The following IL1RL1 variants were observed in gnomAD, a reference collection of about 807,000 sequenced individuals.
IL1RL1 encodes interleukin-1 receptor-like 1.
IL1RL1 carries 32 observed loss-of-function variants against 50.9 expected under a neutral mutation model. The observed-to-expected ratio is 0.63, with a 90% confidence interval of 0.47 to 0.84. The LOEUF is 0.84. Ranked by LOEUF, IL1RL1 falls within the 40% of genes least tolerant of loss-of-function variation. The probability of loss-of-function intolerance (pLI) is 0.00; values close to 1 mark genes in which losing one functional copy is unlikely to be tolerated. For synonymous variants in IL1RL1, 275 were observed against 236.0 expected (o/e 1.17, Z -1.51); for missense variants, 773 against 662.9 (o/e 1.17, Z -1.82).
Position 102,348,038 on chromosome 2 carries a change from T to C in IL1RL1, c.1064T>C (p.Ile355Thr). Reference protein sequence around the residue: ...VLVIILKMFWIEATLLWRDIA... With the variant: ...VLVIILKMFWTEATLLWRDIA... ...GTTATCATCCTAAAAATGTTCTGGA[T>C]TGAGGCCACTCTGCTCTGGAGAGAC... The change falls in exon 9 of 11, where the codon ATT (isoleucine) becomes ACT (threonine). Residue 355 changes from isoleucine to threonine, a missense_variant. Transcript: ENST00000233954. The C allele has an allele frequency of 6.2e-7, 1 of 1,612,140 alleles. No homozygotes were observed. Among genetic ancestry groups the C allele is most frequent in the Non-Finnish European group, 8.5e-7 (1 of 1,178,182 alleles).
At chr2:102,329,855 A>C (rs564860884) in intron 1 of IL1RL1, among the ~76,000 whole-genome samples, 110 of 152,310 alleles carry the variant, frequency 7.2e-4, no homozygotes, top group Non-Finnish European at 1.4e-3. Flanking sequence ...GCTGGAGAGG[A>C]TGTGGAGAAA....
chr2:102,339,518 T>C (rs189040819), intron 3 of IL1RL1: 3 of 156,594 alleles, frequency 1.9e-5, no homozygotes, highest in Admixed American at 1.9e-4. Context: ...TGTTTTGATT[T>C]TGTGGCTGTA....
intron 8 of IL1RL1, 42 bp downstream of exon 8, chr2:102,343,457 T>C (rs1677659365): frequency 1.9e-6 from 3 of 1,614,056 alleles, no homozygotes; most frequent in South Asian, 1.1e-5. Flanking sequence ...GAACTTTCTC[T>C]AGCAAGTGTA....
At position 102,343,300 on chromosome 2, in the gene IL1RL1, G is replaced by T. The variant is rs1307444039; in HGVS notation, c.855G>T (p.Met285Ile). 1.2e-6 allele frequency: 2 copies of T among 1,614,096 alleles called. No homozygotes were observed. The highest frequency in any genetic ancestry group is 1.3e-5 in the African/African-American group (1 of 74,930). ...GCAATGGGCTGGCTTGTCTAGACAT[G>T]GTTTTAAGAATAGCTGACGTGAAGG... ...SFSNGLACLD[M>I]VLRIADVKEE... The change falls in exon 8 of 11, where the codon ATG (methionine) becomes ATT (isoleucine). Residue 285 changes from methionine (M) to isoleucine (I), a missense_variant. Transcript: ENST00000233954.
intron 10 of IL1RL1, among the ~76,000 whole-genome samples, chr2:102,349,461 G>T (rs1372535936): frequency 6.6e-6 from 1 of 152,112 alleles, no homozygotes; most frequent in African/African-American, 2.4e-5. Context: ...TAATGTTGGT[G>T]GTGTGAATTC....
intron 8 of IL1RL1, among the ~76,000 whole-genome samples, chr2:102,347,002 G>A (rs1191910625): frequency 3.9e-5 from 6 of 152,228 alleles, no homozygotes; most frequent in Admixed American, 3.3e-4. Flanking sequence ...GGTTGGTTGA[G>A]TAATGTTCAC....
At chr2:102,324,597 C>T (rs148446902) in intron 1 of IL1RL1, among the ~76,000 whole-genome samples, 19 of 152,312 alleles carry the variant, frequency 1.2e-4, no homozygotes, top group African/African-American at 4.6e-4. Context: ...AATTCCCTTT[C>T]CTAGTCAAAG....
intron 1 of IL1RL1, among the ~76,000 whole-genome samples, chr2:102,324,860 G>A (rs1047300766): frequency 1.3e-5 from 2 of 152,180 alleles, no homozygotes; most frequent in African/African-American, 2.4e-5. Flanking sequence ...CGGGAAGCTC[G>A]AACTGGGTAG....
At chr2:102,343,516 G>T (rs139756621) in intron 8 of IL1RL1, 101 bp downstream of exon 8, 1 of 1,601,346 alleles carries the variant, frequency 6.2e-7, no homozygotes, top group Non-Finnish European at 8.5e-7. Context: ...AATGGGAATG[G>T]CCTGTGCCAT....
At chr2:102,342,081 G>A in intron 5 of IL1RL1, 142 bp from the exon 6 acceptor site, 1 of 497,528 alleles carries the variant, frequency 2.0e-6, no homozygotes, top group South Asian at 2.2e-5. Context: ...GTGTGTGTGT[G>A]TGTGTGTTTG....
intron 1 of IL1RL1, among the ~76,000 whole-genome samples, chr2:102,334,542 TA>T (rs1330031653): frequency 6.6e-6 from 1 of 150,820 alleles, no homozygotes; most frequent in Admixed American, 6.6e-5. Context: ...TAAAAAAAAA[TA>T]AAAAAACAGA....
At chr2:102,327,307 G>A (rs549238603) in intron 1 of IL1RL1, among the ~76,000 whole-genome samples, 22 of 151,888 alleles carry the variant, frequency 1.4e-4, no homozygotes, top group African/African-American at 5.1e-4. Context: ...TGAAACCAAC[G>A]AGAACAAAGA....
intron 1 of IL1RL1, among the ~76,000 whole-genome samples, chr2:102,326,596 T>G (rs1227079725): frequency 6.6e-6 from 1 of 152,122 alleles, no homozygotes; most frequent in Non-Finnish European, 1.5e-5. Context: ...GTGTGTTATA[T>G]TCAGGAAACC....
intron 8 of IL1RL1, chr2:102,344,963 T>C (rs1318534721): frequency 1.1e-6 from 1 of 951,894 alleles, no homozygotes; most frequent in Non-Finnish European, 1.3e-6. Context: ...GAATCTTTAT[T>C]GGGTTAATTT....
Position 102,340,210 on chromosome 2 carries a change from T to C in IL1RL1, c.385T>C (p.Ser129Pro). The C allele has an allele frequency of 6.2e-7, 1 of 1,606,108 alleles. No individual in the cohort carries two copies. The highest frequency in any genetic ancestry group is 8.5e-7 in the Non-Finnish European group (1 of 1,177,676). ...YSTVSGSEKN[S>P]KIYCPTIDLY... Reference sequence around the variant, plus strand: ...AACAGTATCTGGATCAGAAAAAAATTCCAAAATTTATTGTCCTACCATTGA... The same window carrying C: ...AACAGTATCTGGATCAGAAAAAAATCCCAAAATTTATTGTCCTACCATTGA... The change falls in exon 4 of 11, where the codon TCC (serine) becomes CCC (proline). Residue 129 changes from serine (S) to proline (P), a missense_variant. Transcript: ENST00000233954.
intron 1 of IL1RL1, among the ~76,000 whole-genome samples, chr2:102,335,041 G>A (rs1349005959): frequency 1.3e-5 from 2 of 152,144 alleles, no homozygotes; most frequent in Admixed American, 1.3e-4. Flanking sequence ...AAAAGGGAGA[G>A]TAGTTATGAG....
intron 1 of IL1RL1, among the ~76,000 whole-genome samples, chr2:102,330,996 G>GTTTTTCTAT (rs1677163761): frequency 2.6e-5 from 4 of 152,076 alleles, no homozygotes; most frequent in Non-Finnish European, 5.9e-5. Context: ...TGTGTCGAAG[G>GTTTTTCTAT]CAGTGTTTTT....
In IL1RL1 at chr2:102,340,156, T is replaced by A. The variant is rs745654031; in HGVS notation, c.331T>A (p.Cys111Ser). 1 of 1,591,510 alleles carries A rather than the reference T, an allele frequency of 6.3e-7. No individual in the cohort carries two copies. Among genetic ancestry groups the A allele is most frequent in the Admixed American group, 1.8e-5 (1 of 54,846 alleles). Residue 111 changes from cysteine to serine, a missense_variant, in exon 4 of 11, where the codon TGC becomes AGC. Cys to Ser is a moderately radical substitution (Grantham distance 112, BLOSUM62 -1). Coordinates refer to ENST00000233954, the MANE Select transcript of IL1RL1 (RefSeq NM_016232.5). ...CACCATATATAAAAAACAATCAGAT[T>A]GCAATGTTCCAGATTATTTGATGTA... ...NVTIYKKQSD[C>S]NVPDYLMYST...
At position 102,342,243 on chromosome 2, in the gene IL1RL1, T is replaced by C; in HGVS notation, c.631T>C (p.Phe211Leu). 1.2e-6 allele frequency: 2 copies of C among 1,611,736 alleles called. No homozygotes were observed. Among genetic ancestry groups the C allele is most frequent in the East Asian group, 4.5e-5 (2 of 44,858 alleles). The change falls in exon 6 of 11, where the codon TTT becomes CTT. Residue 211 changes from phenylalanine to leucine, a missense_variant. Transcript: ENST00000233954. ...TVKDEQGFSL[F>L]PVIGAPAQNE... Reference sequence around the variant, plus strand: ...TTAAGATGAGCAAGGCTTTTCTCTGTTTCCAGTAATCGGAGCCCCTGCACA... The same window carrying C: ...TTAAGATGAGCAAGGCTTTTCTCTGCTTCCAGTAATCGGAGCCCCTGCACA...
Sources: gnomAD v4.1 joint callset for allele counts (sites outside exome capture counted in the v4.1 genomes callset) on GRCh38, gnomAD v4.1.1 for gene constraint, MANE v1.5 for transcripts, NCBI Gene and HGNC (gene_info 2026-07-23, HGNC 2026-07-21) for gene names.